FANCM: variants seen among roughly 807,000 people sequenced by gnomAD.
The protein encoded by FANCM is Fanconi anemia group M protein.
A neutral mutation model predicts 199.5 loss-of-function variants in FANCM; 140 were observed. That is an observed-to-expected ratio of 0.70 (90% confidence interval 0.61 to 0.81). FANCM has a LOEUF of 0.81. Ranked by LOEUF, FANCM falls within the 30% of genes least tolerant of loss-of-function variation. The pLI, the probability that FANCM is intolerant of heterozygous loss-of-function variation, is 0.00. For synonymous variants in FANCM, 840 were observed against 836.8 expected (o/e 1.00, Z -0.07); for missense variants, 2,410 against 2,421.4 (o/e 1.00, Z 0.10).
intron 11 of FANCM, among the ~76,000 whole-genome samples, chr14:45,170,220 A>G (rs1309236680): frequency 6.6e-6 from 1 of 152,222 alleles, no homozygotes; most frequent in Admixed American, 6.5e-5. Context: ...AGTTTAGGAG[A>G]CATTTAGAAG....
Position 45,196,386 on chromosome 14 carries a change from G to T in FANCM, c.5555G>T (p.Gly1852Val). 3 of 1,614,074 alleles carry T rather than the reference G, an allele frequency of 1.9e-6. No homozygotes were observed. The highest frequency in any genetic ancestry group is 2.7e-5 in the African/African-American group (2 of 75,016). Residue 1852 changes from glycine to valine, a missense_variant, in exon 21 of 23, where the codon GGC becomes GTC. By Grantham distance (109) the Gly-to-Val change is moderately radical. Transcript: ENST00000267430. ...GLQVEVCPLN[G>V]CDYIVSNRMV... ...CAAGTAGAAGTTTGTCCTCTTAATG[G>T]CTGTGATTACATCGTGAGTAATCGC...
intron 9 of FANCM, among the ~76,000 whole-genome samples, chr14:45,160,469 CCCACCA>C (rs1207338352): frequency 6.7e-6 from 1 of 149,092 alleles, no homozygotes; most frequent in African/African-American, 2.5e-5. Context: ...ACTACAGGTG[CCCACCA>C]CCACGCCCAG....
intron 20 of FANCM, among the ~76,000 whole-genome samples, chr14:45,192,612 C>T (rs1459649068): frequency 6.6e-6 from 1 of 152,032 alleles, no homozygotes; most frequent in African/African-American, 2.4e-5. Flanking sequence ...CACTGCACTC[C>T]AGCCTGTGCA....
chr14:45,154,923 A>G, intron 7 of FANCM, 101 bp downstream of exon 7: 2 of 853,596 alleles, frequency 2.3e-6, no homozygotes, highest in Non-Finnish European at 1.9e-6. Flanking sequence ...AATTATTTAT[A>G]TTTTGTAGCA....
chr14:45,136,522 A>C lies in FANCM; in HGVS notation c.491A>C (p.His164Pro), dbSNP rs144278051. ...CAGGTGATGGGTATCCCGCAATCCC[A>C]CATGGCCGAAATGACAGGTATCTTA... ...CYQVMGIPQSHMAEMTGSTQA... is the reference protein window; with the variant it reads ...CYQVMGIPQSPMAEMTGSTQA... Residue 164 changes from histidine (H) to proline (P), a missense_variant, in exon 1 of 23, where the codon CAC becomes CCC. Physicochemically the swap from His to Pro is moderately conservative, Grantham distance 77. Transcript: ENST00000267430. The C allele has an allele frequency of 2.6e-4, 424 of 1,613,976 alleles. 3 individuals are homozygous for C. The African/African-American group carries it at 4.9e-3, about 19-fold the overall frequency.
chr14:45,164,711 C>G (rs140267061), intron 10 of FANCM, 146 bp downstream of exon 10: 1 of 667,426 alleles, frequency 1.5e-6, no homozygotes, highest in African/African-American at 1.8e-5. Context: ...TGGATTCTCT[C>G]TTGTAACTAG....
At position 45,136,353 on chromosome 14, in the gene FANCM, C is replaced by G; in HGVS notation, c.322C>G (p.Leu108Val). The stretch of plus-strand genomic sequence containing the variant: ...CCGGGCTGCTCTGTTTTGCAATACG[C>G]TGGTGTGTCTGCCTACCGGACTGGG... The part of the protein sequence containing the change: ...ISRAALFCNT[L>V]VCLPTGLGKT... Residue 108 changes from leucine to valine, a missense_variant, in exon 1 of 23, where the codon CTG becomes GTG. Transcript: ENST00000267430. The G allele has an allele frequency of 6.2e-7, 1 of 1,614,168 alleles. No individual in the cohort carries two copies. The highest frequency in any genetic ancestry group is 8.5e-7 in the Non-Finnish European group (1 of 1,180,032).
chr14:45,155,274 T>C, intron 7 of FANCM, 99 bp from the exon 8 acceptor site: 3 of 597,742 alleles, frequency 5.0e-6, no homozygotes, highest in Admixed American at 6.1e-5. Flanking sequence ...TAAAAAAAAA[T>C]CCAACATATG....
intron 20 of FANCM, among the ~76,000 whole-genome samples, chr14:45,189,892 C>T (rs928856918): frequency 4.0e-5 from 6 of 150,838 alleles, no homozygotes; most frequent in East Asian, 3.9e-4. Flanking sequence ...CGCTTAAATC[C>T]GGGAGGCAGA....
chr14:45,198,697 A>G lies in FANCM; in HGVS notation c.5770A>G (p.Thr1924Ala). ...RTKSYDSLLT[T>A]LIGAGIRILF... ...AAAGAGCTATGACAGCCTGCTGACT[A>G]CCTTAATTGGCGCTGGAATCCGAAT... is the stretch of plus-strand genomic sequence containing the variant. The change falls in exon 22 of 23, where the codon ACC becomes GCC. Residue 1924 changes from threonine to alanine, a missense_variant. By Grantham distance (58) the Thr-to-Ala change is moderately conservative. Coordinates refer to ENST00000267430, the MANE Select transcript of FANCM (RefSeq NM_020937.4). 1 of 1,613,786 alleles carries G rather than the reference A, an allele frequency of 6.2e-7. No individual in the cohort carries two copies. The highest frequency in any genetic ancestry group is 8.5e-7 in the Non-Finnish European group (1 of 1,179,708).
chr14:45,140,392 G>A lies in FANCM; in HGVS notation c.682-240G>A, dbSNP rs189875227. On this transcript the variant is annotated intron_variant, in intron 2 of 22. Coordinates refer to ENST00000267430, the MANE Select transcript of FANCM (RefSeq NM_020937.4). Reference sequence around the variant, plus strand: ...TTGAGTATTTTGATTTGCCCTTTGAGTATTTTGATGTTGCAGTTTTTTCTG... The same window carrying A: ...TTGAGTATTTTGATTTGCCCTTTGAATATTTTGATGTTGCAGTTTTTTCTG... Among the ~76,000 whole-genome samples, 366 of 152,250 alleles carry A rather than the reference G, an allele frequency of 2.4e-3. 1 individual carries two copies. The highest frequency in any genetic ancestry group is 0.019 in the Admixed American group (295 of 15,282).
In FANCM at chr14:45,142,824, G is replaced by A. The variant is rs1050920072; in HGVS notation, c.759+2115G>A. Among the ~76,000 whole-genome samples, 3 of 151,950 alleles carry A rather than the reference G, an allele frequency of 2.0e-5. 1 individual carries two copies. Among genetic ancestry groups the A allele is most frequent in the African/African-American group, 7.3e-5 (3 of 41,296 alleles). On this transcript the variant is annotated intron_variant, in intron 3 of 22. Coordinates refer to ENST00000267430, the MANE Select transcript of FANCM (RefSeq NM_020937.4). ...TTGCTTTGCCTTTTTTACTTGTGTT[G>A]TAATCTTGACTTAGTTAAGATGATG... is the stretch of plus-strand genomic sequence containing the variant.
intron 14 of FANCM, among the ~76,000 whole-genome samples, chr14:45,180,049 A>G (rs1199676484): frequency 6.6e-6 from 1 of 152,048 alleles, no homozygotes; most frequent in East Asian, 1.9e-4. Context: ...TTCAGCATCC[A>G]CCACTGTCTA....
Position 45,158,947 on chromosome 14 carries a change from T to C in FANCM, c.1397-149T>C, listed in dbSNP as rs111493086. 1.7e-3 allele frequency: 962 copies of C among 581,320 alleles called. 12 individuals carry two copies. Among genetic ancestry groups the C allele is most frequent in the African/African-American group, 0.016 (832 of 52,642 alleles). The allele number at this position is 581,320 out of a possible 1,614,324, so 36.0% of individuals were successfully genotyped here. A position where few individuals can be genotyped will look rare whatever the true frequency, so the allele number is the denominator to read the frequency against. On this transcript the variant is annotated intron_variant, in intron 8 of 22. Transcript: ENST00000267430. ...TCAGCCTCCCAAGTAGCTGGGACTATAGGTGTGTGCCACCACATCCAGCTG... is the reference window on the plus strand; with the variant it reads ...TCAGCCTCCCAAGTAGCTGGGACTACAGGTGTGTGCCACCACATCCAGCTG...
rs1890211851 is a variant in FANCM at position 45,198,797 on chromosome 14, T to C, written c.5870T>C (p.Val1957Ala). The change falls in exon 22 of 23, where the codon GTT (valine) becomes GCT (alanine). Residue 1957 changes from valine (V) to alanine (A), a missense_variant. Transcript: ENST00000267430. ...ELSLVEQRKN[V>A]GIHVPTVVNS... ...TCTTTAGTGGAACAAAGAAAGAATG[T>C]TGGTATTCATGTTCCAACAGTGGTG... The C allele has an allele frequency of 6.2e-7, 1 of 1,614,062 alleles. No individual in the cohort carries two copies. The highest frequency in any genetic ancestry group is 8.5e-7 in the Non-Finnish European group (1 of 1,179,944).
rs765044791 is a variant in FANCM at position 45,199,908 on chromosome 14, A to T, written c.6047A>T (p.His2016Leu). 2.5e-6 allele frequency: 4 copies of T among 1,609,058 alleles called. No homozygotes were observed. Among genetic ancestry groups the T allele is most frequent in the South Asian group, 1.1e-5 (1 of 91,008 alleles). ...ATCTCCATGTATGCACAAGTAACTC[A>T]TCAGAAGGCTGAGGAGATCTATAGA... ...QEISMYAQVT[H>L]QKAEEIYRYI... Residue 2016 changes from histidine (H) to leucine (L), a missense_variant, in exon 23 of 23, where the codon CAT becomes CTT. Coordinates refer to ENST00000267430, the MANE Select transcript of FANCM (RefSeq NM_020937.4).
intron 3 of FANCM, 114 bp from the exon 4 acceptor site, chr14:45,148,723 T>C: frequency 1.5e-6 from 1 of 686,914 alleles, no homozygotes. Flanking sequence ...TACTTAATGA[T>C]ATAAATTTCT....
chr14:45,179,561 C>CTTT (rs36031280), intron 14 of FANCM, among the ~76,000 whole-genome samples: 55 of 95,270 alleles, frequency 5.8e-4, no homozygotes, highest in Middle Eastern at 6.0e-3. Context: ...TTCTTTCTTT[C>CTTT]TTTTTTTTTT....
At chr14:45,195,598 T>C (rs563841413) in intron 20 of FANCM, 141 of 454,744 alleles carry the variant, frequency 3.1e-4, no homozygotes, top group African/African-American at 2.5e-3. Flanking sequence ...ATGTTCTGAC[T>C]TAAGTAACTT....
Sources: allele counts gnomAD v4.1 joint callset (sites outside exome capture counted in the v4.1 genomes callset), GRCh38; gene constraint gnomAD v4.1.1; transcripts MANE v1.5; gene names NCBI Gene and HGNC (gene_info 2026-07-23, HGNC 2026-07-21).